The following GABPB2 variants were observed in gnomAD, a reference collection of about 807,000 sequenced individuals.
The protein encoded by GABPB2 is GA binding protein transcription factor subunit beta 2.
GABPB2 carries 23 observed loss-of-function variants against 39.1 expected under a neutral mutation model. The ratio of observed to expected loss-of-function variants is 0.59; its 90% CI spans 0.42 to 0.83. The LOEUF is 0.83. GABPB2 is among the 40% of genes least tolerant of loss of function. The pLI is 0.00. For missense variants in GABPB2, 467 were observed against 541.1 expected (o/e 0.86, Z 1.36); for synonymous variants, 184 against 199.3 (o/e 0.92, Z 0.65).
intron 1 of GABPB2, among the ~76,000 whole-genome samples, chr1:151,082,392 CTTTTTTTTTTTTTTT>C (rs35044606): frequency 2.1e-5 from 1 of 48,000 alleles, no homozygotes; most frequent in Admixed American, 3.8e-4. Flanking sequence ...GTGGTAATTT[CTTTTTTTTTTTTTTT>C]TTTTTTTTTT....
chr1:151,118,366 C>T lies in GABPB2; in HGVS notation c.*110C>T. On this transcript the variant is annotated 3_prime_UTR_variant, in exon 9 of 9. Coordinates refer to ENST00000368918, the MANE Select transcript of GABPB2 (RefSeq NM_144618.3). The stretch of plus-strand genomic sequence containing the variant: ...ACTAAGAGTGTCTTTAAGAAGAAAA[C>T]TATAGCAGGGTACAATGCTTGGGCT... 1 of 1,063,078 alleles carries T rather than the reference C, an allele frequency of 9.4e-7. No homozygotes were observed. 65.9% of individuals were successfully genotyped at this position (1,063,078 alleles called of 1,614,324 possible). A position where few individuals can be genotyped will look rare whatever the true frequency, so the allele number is the denominator to read the frequency against.
chr1:151,078,592 C>CA (rs1240625481), intron 1 of GABPB2, among the ~76,000 whole-genome samples: 195 of 143,278 alleles, frequency 1.4e-3, no homozygotes, highest in African/African-American at 3.0e-3. Flanking sequence ...GACTCCGTCT[C>CA]AAAAAAAAAA....
intron 6 of GABPB2, among the ~76,000 whole-genome samples, chr1:151,105,238 G>A (rs904915030): frequency 1.3e-5 from 2 of 151,734 alleles, no homozygotes; most frequent in African/African-American, 2.4e-5. Flanking sequence ...ATTCCATAGT[G>A]GTAGGAATTA....
chr1:151,113,190 C>T (rs759951661), intron 7 of GABPB2, among the ~76,000 whole-genome samples: 13 of 151,416 alleles, frequency 8.6e-5, no homozygotes, highest in Admixed American at 2.0e-4. Flanking sequence ...TGTGATTGGC[C>T]GGGTGCGGTG....
At chr1:151,101,203 A>T (rs1365737551) in intron 5 of GABPB2, among the ~76,000 whole-genome samples, 1 of 152,076 alleles carries the variant, frequency 6.6e-6, no homozygotes, top group African/African-American at 2.4e-5. Context: ...GAGTAAGCCA[A>T]GATTGTACCA....
chr1:151,088,996 A>AG (rs1360666627), intron 2 of GABPB2, among the ~76,000 whole-genome samples: 3 of 152,184 alleles, frequency 2.0e-5, no homozygotes, highest in Non-Finnish European at 4.4e-5. Context: ...TTCAAAAAAA[A>AG]AAAAAGAAGT....
intron 1 of GABPB2, among the ~76,000 whole-genome samples, chr1:151,087,184 G>A (rs1571913620): frequency 6.7e-6 from 1 of 148,178 alleles, no homozygotes; most frequent in Admixed American, 7.0e-5. Flanking sequence ...AGACGGTTTC[G>A]CCATTTTGCC....
chr1:151,090,338 G>A, intron 2 of GABPB2, 68 bp from the exon 3 acceptor site: 1 of 1,380,982 alleles, frequency 7.2e-7, no homozygotes. Flanking sequence ...TTGTTCATTT[G>A]TATCTCTCCA....
At chr1:151,088,728 T>G (rs982681496) in intron 2 of GABPB2, among the ~76,000 whole-genome samples, 2 of 152,216 alleles carry the variant, frequency 1.3e-5, no homozygotes, top group Admixed American at 6.5e-5. Flanking sequence ...AGGCTGAGCG[T>G]GGTGGCTCAC....
At chr1:151,104,220 G>C (rs1473159309) in intron 6 of GABPB2, among the ~76,000 whole-genome samples, 1 of 152,164 alleles carries the variant, frequency 6.6e-6, no homozygotes, top group Non-Finnish European at 1.5e-5. Flanking sequence ...AAGTTTTCAA[G>C]TCATTTAGCC....
At position 151,119,750 on chromosome 1, in the gene GABPB2, AAAC is replaced by A. The variant is rs1681108544; in HGVS notation, c.*1497_*1499del. The A allele has an allele frequency of 6.6e-6, 1 of 151,388 alleles. No individual in the cohort carries two copies. Among genetic ancestry groups the A allele is most frequent in the Non-Finnish European group, 1.5e-5 (1 of 68,296 alleles). The allele number at this position is 151,388 out of a possible 1,614,324, so 9.4% of individuals were successfully genotyped here. ...AGACTCTGTCTCAAAAAAACAAAAC[AAAC>A]AAACAAAAATACAAAAAATTAGCCG... On this transcript the variant is annotated 3_prime_UTR_variant, in exon 9 of 9. Transcript: ENST00000368918.
In GABPB2 at chr1:151,120,753, CTTTTTTTTTT is replaced by C. The variant is rs761905123; in HGVS notation, c.*2508_*2517del. On this transcript the variant is annotated 3_prime_UTR_variant, in exon 9 of 9. Coordinates refer to ENST00000368918, the MANE Select transcript of GABPB2 (RefSeq NM_144618.3). ...TTATGTAATGTCAAGCTCAGTCTCT[CTTTTTTTTTT>C]TTTTTTTTTTGAGACGGAGTCTTGC... 2 of 122,172 alleles carry C rather than the reference CTTTTTTTTTT, an allele frequency of 1.6e-5. No individual in the cohort carries two copies. The highest frequency in any genetic ancestry group is 5.7e-5 in the African/African-American group (2 of 34,992). The allele number at this position is 122,172 out of a possible 1,614,324, so 7.6% of individuals were successfully genotyped here.
At chr1:151,076,393 GA>G (rs1163117553) in intron 1 of GABPB2, among the ~76,000 whole-genome samples, 1 of 152,014 alleles carries the variant, frequency 6.6e-6, no homozygotes, top group Non-Finnish European at 1.5e-5. Context: ...CTAAGTTGCA[GA>G]AAAAAACTTA....
intron 3 of GABPB2, among the ~76,000 whole-genome samples, chr1:151,090,839 C>CA (rs1241149501): frequency 2.0e-5 from 3 of 148,320 alleles, no homozygotes; most frequent in African/African-American, 4.9e-5. Flanking sequence ...TGAAAAAAAG[C>CA]AAAAAAAAAT....
intron 3 of GABPB2, 74 bp from the exon 4 acceptor site, chr1:151,093,118 G>T: frequency 8.6e-7 from 1 of 1,160,364 alleles, no homozygotes; most frequent in Non-Finnish European, 1.2e-6. Flanking sequence ...GAAATCCTCT[G>T]TATTTGATGA....
chr1:151,093,618 T>A (rs116222163), intron 4 of GABPB2, among the ~76,000 whole-genome samples: 15,917 of 148,878 alleles, frequency 0.11, 997 homozygotes, highest in Non-Finnish European at 0.14. Context: ...TTATATATAT[T>A]TTTTAATATA....
chr1:151,076,770 A>C (rs1677200704), intron 1 of GABPB2, among the ~76,000 whole-genome samples: 1 of 147,728 alleles, frequency 6.8e-6, no homozygotes, highest in Admixed American at 6.9e-5. Context: ...GGTAAAATAG[A>C]TTGGCTTTAT....
intron 1 of GABPB2, among the ~76,000 whole-genome samples, chr1:151,082,076 C>CTTTTT (rs1215494134): frequency 7.6e-6 from 1 of 131,602 alleles, no homozygotes; most frequent in Non-Finnish European, 1.6e-5. Flanking sequence ...ATTTCTTTTT[C>CTTTTT]TTTTTTTTTT....
intron 7 of GABPB2, among the ~76,000 whole-genome samples, chr1:151,108,032 T>C (rs1187763943): frequency 3.3e-5 from 5 of 152,100 alleles, no homozygotes; most frequent in Non-Finnish European, 7.3e-5. Context: ...ATTATAACAC[T>C]ATGTTGTTAA....
Sources: gnomAD v4.1 joint callset for allele counts (sites outside exome capture counted in the v4.1 genomes callset) on GRCh38, gnomAD v4.1.1 for gene constraint, MANE v1.5 for transcripts, NCBI Gene and HGNC (gene_info 2026-07-23, HGNC 2026-07-21) for gene names.